The following AGBL3 variants were observed in gnomAD, a reference collection of about 807,000 sequenced individuals.
AGBL3 encodes AGBL carboxypeptidase 3.
A neutral mutation model predicts 94.5 loss-of-function variants in AGBL3; 68 were observed. That is an observed-to-expected ratio of 0.72 (90% CI 0.59 to 0.88). The LOEUF is 0.88. Among genes scored for constraint, AGBL3 ranks in the 40% least tolerant of loss-of-function variants. AGBL3 has a pLI of 0.00. For synonymous variants in AGBL3, 354 were observed against 370.7 expected (o/e 0.95, Z 0.52); for missense variants, 934 against 1,103.8 (o/e 0.85, Z 2.18).
intron 4 of AGBL3, among the ~76,000 whole-genome samples, chr7:135,006,784 G>A (rs1812444548): frequency 1.3e-5 from 2 of 151,888 alleles, no homozygotes; most frequent in South Asian, 4.1e-4. Context: ...GTCTGCTATA[G>A]TTGCAAACAG....
intron 8 of AGBL3, among the ~76,000 whole-genome samples, chr7:135,041,618 A>ACATAGAAGAAAG (rs60315395): frequency 2.0e-5 from 3 of 151,940 alleles, no homozygotes; most frequent in Non-Finnish European, 4.4e-5. Context: ...TTAGAAGAAA[A>ACATAGAAGAAAG]TTTTTATGAC....
chr7:135,090,594 G>A (rs1314117557), intron 15 of AGBL3, among the ~76,000 whole-genome samples: 2 of 152,124 alleles, frequency 1.3e-5, no homozygotes, highest in Admixed American at 1.3e-4. Flanking sequence ...GGGATACAGG[G>A]CACGACTCCA....
At chr7:135,113,068 C>A (rs1825864287) in intron 15 of AGBL3, among the ~76,000 whole-genome samples, 1 of 152,212 alleles carries the variant, frequency 6.6e-6, no homozygotes, top group Non-Finnish European at 1.5e-5. Context: ...TGAGCTACCA[C>A]ACCCGGCCTA....
chr7:135,066,815 G>A (rs1247016621), intron 12 of AGBL3, among the ~76,000 whole-genome samples: 4 of 152,302 alleles, frequency 2.6e-5, no homozygotes, highest in South Asian at 2.1e-4. Context: ...TGTGAGCGAC[G>A]CAGAAGACAG....
chr7:135,043,968 C>A, intron 8 of AGBL3, 57 bp from the exon 9 acceptor site: 1 of 1,512,140 alleles, frequency 6.6e-7, no homozygotes, highest in South Asian at 1.3e-5. Context: ...ATACTACTTT[C>A]AAAAAAAGAT....
chr7:135,084,973 G>A (rs1189114042), intron 15 of AGBL3, among the ~76,000 whole-genome samples: 1 of 151,966 alleles, frequency 6.6e-6, no homozygotes, highest in East Asian at 1.9e-4. Context: ...AGTGTGCAGG[G>A]ATTCCCTTTT....
At chr7:134,999,135 G>T (rs1174140148) in intron 4 of AGBL3, among the ~76,000 whole-genome samples, 1 of 152,206 alleles carries the variant, frequency 6.6e-6, no homozygotes, top group African/African-American at 2.4e-5. Flanking sequence ...GCTGTAAAGT[G>T]TGTTTCTTGG....
chr7:135,009,260 A>G (rs188997286), intron 4 of AGBL3, among the ~76,000 whole-genome samples: 1 of 152,336 alleles, frequency 6.6e-6, no homozygotes, highest in East Asian at 1.9e-4. Context: ...AAAACAAAAT[A>G]TGGTATTTCC....
intron 5 of AGBL3, among the ~76,000 whole-genome samples, chr7:135,026,378 G>A (rs1815146975): frequency 2.7e-5 from 4 of 150,664 alleles, no homozygotes; most frequent in South Asian, 4.4e-4. Context: ...AGGTTCAAGC[G>A]ATTTTCCTGC....
chr7:135,109,264 G>A (rs564786065), intron 15 of AGBL3, among the ~76,000 whole-genome samples: 1 of 152,290 alleles, frequency 6.6e-6, no homozygotes, highest in African/African-American at 2.4e-5. Flanking sequence ...TTGGGCCATC[G>A]AACTGCCAGA....
chr7:134,994,921 C>G (rs1433735974), intron 4 of AGBL3, among the ~76,000 whole-genome samples: 1 of 152,146 alleles, frequency 6.6e-6, no homozygotes, highest in Non-Finnish European at 1.5e-5. Context: ...TAGGACATCT[C>G]TCTCTCTTTT....
intron 1 of AGBL3, 72 bp downstream of exon 1, chr7:134,986,773 C>G (rs1167466528): frequency 1.3e-5 from 2 of 152,418 alleles, no homozygotes; most frequent in African/African-American, 4.8e-5. Flanking sequence ...CCTCCCCACA[C>G]CAAGGTGTCC....
intron 9 of AGBL3, among the ~76,000 whole-genome samples, chr7:135,044,445 T>A (rs550323637): frequency 5.0e-4 from 76 of 152,262 alleles, no homozygotes; most frequent in African/African-American, 1.5e-3. Context: ...ACAGATTTTT[T>A]AAAAATATTT....
At chr7:135,014,938 T>C (rs1429658737) in intron 4 of AGBL3, among the ~76,000 whole-genome samples, 1 of 152,254 alleles carries the variant, frequency 6.6e-6, no homozygotes, top group East Asian at 1.9e-4. Flanking sequence ...ATATTTGCTA[T>C]GCACAGACAT....
intron 16 of AGBL3, among the ~76,000 whole-genome samples, chr7:135,119,860 G>A (rs530495371): frequency 6.6e-6 from 1 of 152,248 alleles, no homozygotes; most frequent in African/African-American, 2.4e-5. Flanking sequence ...CTGGGTGACA[G>A]AGCGAGACTC....
intron 12 of AGBL3, among the ~76,000 whole-genome samples, chr7:135,073,815 A>T (rs1820201632): frequency 1.3e-5 from 2 of 152,116 alleles, no homozygotes; most frequent in Non-Finnish European, 2.9e-5. Context: ...TATGCAAATA[A>T]GCGATTAGGT....
In AGBL3 at chr7:135,037,420, T is replaced by C; in HGVS notation, c.1340T>C (p.Leu447Pro). ...TAACTTATCTTTCTTCCTGGCAGAC[T>C]GATGGAGAAACGAGAGGTTATTTTA... ...VWYTRNMVHR[L>P]MEKREVILYC... The change falls in exon 8 of 17, where the codon CTG (leucine) becomes CCG (proline). Residue 447 changes from leucine (L) to proline (P), a missense_variant and splice_region_variant. By Grantham distance (98) the Leu-to-Pro change is moderately conservative. Transcript: ENST00000436302. 7 of 1,541,454 alleles carry C rather than the reference T, an allele frequency of 4.5e-6. No homozygotes were observed. Among genetic ancestry groups the C allele is most frequent in the Non-Finnish European group, 6.1e-6 (7 of 1,143,556 alleles).
chr7:134,999,539 C>G (rs145626951), intron 4 of AGBL3, among the ~76,000 whole-genome samples: 1 of 152,176 alleles, frequency 6.6e-6, no homozygotes, highest in Non-Finnish European at 1.5e-5. Context: ...GTAAACACAC[C>G]AAGTTTTCCA....
At chr7:135,075,532 A>C (rs1398668443) in intron 12 of AGBL3, among the ~76,000 whole-genome samples, 1 of 152,228 alleles carries the variant, frequency 6.6e-6, no homozygotes, top group East Asian at 1.9e-4. Flanking sequence ...TATGAACATA[A>C]CATTAGTGTA....
Sources: gnomAD v4.1 joint callset for allele counts (sites outside exome capture counted in the v4.1 genomes callset) on GRCh38, gnomAD v4.1.1 for gene constraint, MANE v1.5 for transcripts, NCBI Gene and HGNC (gene_info 2026-07-23, HGNC 2026-07-21) for gene names.